Variants in PIK3C2G observed in about 807,000 individuals in gnomAD.
PIK3C2G encodes phosphatidylinositol-4-phosphate 3-kinase catalytic subunit type 2 gamma.
Under a neutral mutation model 181.1 loss-of-function variants are expected in PIK3C2G, and 168 were observed. That is an observed-to-expected ratio of 0.93 (90% CI 0.82 to 1.05). The LOEUF (loss-of-function observed/expected upper bound fraction) is 1.05, where lower values mean the gene tolerates loss of function less well. Ranked by LOEUF, PIK3C2G falls within the 50% of genes least tolerant of loss-of-function variation. The probability of loss-of-function intolerance (pLI) is 0.00; values close to 1 mark genes in which losing one functional copy is unlikely to be tolerated. For missense variants in PIK3C2G, 1,869 were observed against 1,732.8 expected, an observed-to-expected ratio of 1.08 and a Z score of -1.40; for synonymous variants, 573 against 592.2, an observed-to-expected ratio of 0.97 and a Z score of 0.47.
At position 18,457,240 on chromosome 12, in the gene PIK3C2G, C is replaced by A. The variant is rs191780901; in HGVS notation, c.2505-31209C>A. 8.5e-5 allele frequency among the ~76,000 whole-genome samples: 13 copies of A among 152,186 alleles called. No homozygotes were observed. In the East Asian group the frequency reaches 2.3e-3, roughly 27 times the overall value. On this transcript the variant is annotated intron_variant, in intron 18 of 32. Transcript: ENST00000538779. ...TACATATAAATATAAAATTGATGTT[C>A]GCAGAGAATAGTTAAGTGCTTTCCT...
chr12:18,582,076 G>A (rs1946528179), intron 29 of PIK3C2G, among the ~76,000 whole-genome samples: 1 of 152,178 alleles, frequency 6.6e-6, no homozygotes, highest in Non-Finnish European at 1.5e-5. Flanking sequence ...TATGATTAGT[G>A]AAATGAAGAA....
At chr12:18,584,970 A>C (rs1946695791) in intron 29 of PIK3C2G, among the ~76,000 whole-genome samples, 1 of 152,192 alleles carries the variant, frequency 6.6e-6, no homozygotes, top group African/African-American at 2.4e-5. Flanking sequence ...GAGAAATAAG[A>C]TCCTTTTCAA....
chr12:18,249,666 A>C (rs1246910447), intron 1 of PIK3C2G, among the ~76,000 whole-genome samples: 7 of 152,166 alleles, frequency 4.6e-5, no homozygotes, highest in Admixed American at 4.6e-4. Context: ...AGATTTAGCC[A>C]AACAGTTGTA....
At chr12:18,570,132 A>G (rs545278314) in intron 29 of PIK3C2G, among the ~76,000 whole-genome samples, 2 of 152,262 alleles carry the variant, frequency 1.3e-5, no homozygotes, top group African/African-American at 4.8e-5. Flanking sequence ...GTGGTGATCC[A>G]TGATCAACGG....
intron 12 of PIK3C2G, 124 bp downstream of exon 12, chr12:18,363,010 T>C: frequency 2.9e-6 from 2 of 679,416 alleles, no homozygotes; most frequent in Non-Finnish European, 4.7e-6. Flanking sequence ...GATTCAGTGG[T>C]ATGATAAGTA....
chr12:18,334,388 C>T (rs781726756), intron 8 of PIK3C2G, among the ~76,000 whole-genome samples: 1 of 152,090 alleles, frequency 6.6e-6, no homozygotes, highest in Non-Finnish European at 1.5e-5. Flanking sequence ...AAATCTAATC[C>T]TCTTTTTACC....
At chr12:18,698,889 T>C in the PIK3C2G span, among the ~76,000 whole-genome samples, 2 of 152,138 alleles carry the variant, frequency 1.3e-5, no homozygotes. Context: ...AACTATAGTT[T>C]TGTATCCATT....
the PIK3C2G span, chr12:18,692,616 G>A: frequency 8.8e-6 from 5 of 568,620 alleles, no homozygotes; most frequent in Admixed American, 9.6e-5. Flanking sequence ...AGCAATATGA[G>A]GTCAACCGCA....
intron 18 of PIK3C2G, among the ~76,000 whole-genome samples, chr12:18,457,677 AT>A (rs142719647): frequency 2.0e-5 from 3 of 151,232 alleles, no homozygotes; most frequent in East Asian, 1.9e-4. Context: ...AGGTGCACTG[AT>A]TTTTTTTTAA....
Position 18,489,873 on chromosome 12 carries a change from C to T in PIK3C2G, c.2685+1244C>T, listed in dbSNP as rs564955834. Among the ~76,000 whole-genome samples, 117 of 152,034 alleles carry T rather than the reference C, an allele frequency of 7.7e-4. 1 individual carries two copies. Among genetic ancestry groups the T allele is most frequent in the South Asian group, 1.5e-3 (7 of 4,812 alleles). On this transcript the variant is annotated intron_variant, in intron 19 of 32. Coordinates refer to ENST00000538779, the MANE Select transcript of PIK3C2G (RefSeq NM_001288772.2). ...AATTCTGGTGCTTTTTTTGATCATT[C>T]GCTTCAAGTACCAGAGTGATATTGA...
At chr12:18,285,743 C>G (rs777659829) in intron 2 of PIK3C2G, among the ~76,000 whole-genome samples, 1 of 150,872 alleles carries the variant, frequency 6.6e-6, no homozygotes, top group Non-Finnish European at 1.5e-5. Flanking sequence ...GCAGCAAAGG[C>G]ATAAAATAAA....
At chr12:18,723,398 G>A in the PIK3C2G span, 221 of 1,612,838 alleles carry the variant, frequency 1.4e-4, no homozygotes, top group Non-Finnish European at 1.8e-4. Context: ...GTCAGAAATT[G>A]AGCCAGATTA....
At position 18,609,554 on chromosome 12, in the gene PIK3C2G, G is replaced by A. The variant is rs753495402; in HGVS notation, c.4107G>A (p.Lys1369=). The stretch of plus-strand genomic sequence containing the variant: ...TATCAGGTGAGAAGTTTCCAGACAA[G>A]AAGCCTAAGGTGCAGTTAGTCATAT... ...PVYLGEKFPD[K]KPKVQLVISY... Residue 1369 remains lysine (K), a synonymous_variant, in exon 31 of 33, where the codon AAG becomes AAA. Coordinates refer to ENST00000538779, the MANE Select transcript of PIK3C2G (RefSeq NM_001288772.2). 4 of 1,583,314 alleles carry A rather than the reference G, an allele frequency of 2.5e-6. No individual in the cohort carries two copies. Among genetic ancestry groups the A allele is most frequent in the Non-Finnish European group, 3.4e-6 (4 of 1,162,336 alleles).
At chr12:18,511,246 T>C (rs1308589157) in intron 24 of PIK3C2G, among the ~76,000 whole-genome samples, 1 of 152,170 alleles carries the variant, frequency 6.6e-6, no homozygotes, top group Non-Finnish European at 1.5e-5. Context: ...CATTTATTTG[T>C]TTCCATATCT....
intron 5 of PIK3C2G, among the ~76,000 whole-genome samples, chr12:18,298,860 T>C (rs567128950): frequency 1.2e-4 from 19 of 152,026 alleles, no homozygotes; most frequent in African/African-American, 4.6e-4. Context: ...AGGCTATAAA[T>C]AAATGAATTT....
At chr12:18,497,787 T>A in intron 22 of PIK3C2G, 39 bp downstream of exon 22, 1 of 1,481,728 alleles carries the variant, frequency 6.7e-7, no homozygotes, top group Non-Finnish European at 9.1e-7. Context: ...TCACATTATT[T>A]ATTTCACACA....
At chr12:18,509,314 C>T (rs1942060729) in intron 24 of PIK3C2G, among the ~76,000 whole-genome samples, 1 of 152,180 alleles carries the variant, frequency 6.6e-6, no homozygotes, top group South Asian at 2.1e-4. Context: ...TCTCAAAGTG[C>T]TGAGATTACA....
At chr12:18,293,786 AGC>A (rs1949814551) in intron 4 of PIK3C2G, 113 bp from the exon 5 acceptor site, 1 of 645,434 alleles carries the variant, frequency 1.5e-6, no homozygotes, top group African/African-American at 1.9e-5. Flanking sequence ...CCCTTGATGA[AGC>A]TAGACAGTTA....
chr12:18,703,342 A>T, the PIK3C2G span, among the ~76,000 whole-genome samples: 69,055 of 151,902 alleles, frequency 0.45, 18,008 homozygotes, highest in South Asian at 0.61. Context: ...TTCACTTGAA[A>T]ATTTTTCACT....
Sources: gnomAD v4.1 joint callset for allele counts (sites outside exome capture counted in the v4.1 genomes callset) on GRCh38, gnomAD v4.1.1 for gene constraint, MANE v1.5 for transcripts, NCBI Gene and HGNC (gene_info 2026-07-23, HGNC 2026-07-21) for gene names.